Variants in USP20 observed in about 807,000 individuals in gnomAD.
USP20 encodes ubiquitin carboxyl-terminal hydrolase 20.
USP20 carries 80 observed loss-of-function variants against 124.2 expected under a neutral mutation model. That is an observed-to-expected ratio of 0.64 (90% CI 0.54 to 0.78). The LOEUF is 0.78. Among genes scored for constraint, USP20 ranks in the 30% least tolerant of loss-of-function variants. The pLI, the probability that USP20 is intolerant of heterozygous loss-of-function variation, is 0.00. For synonymous variants in USP20, 481 were observed against 512.3 expected (o/e 0.94, Z 0.83); for missense variants, 1,043 against 1,244.4 (o/e 0.84, Z 2.44).
At chr9:129,857,768 C>G (rs1405912787) in intron 4 of USP20, among the ~76,000 whole-genome samples, 3 of 152,208 alleles carry the variant, frequency 2.0e-5, no homozygotes, top group African/African-American at 7.2e-5. Context: ...CAGGCCCCAG[C>G]TGGGACCCCG....
rs78381628 is a variant in USP20, at chr9:129,839,079, C to T, written c.-129+3580C>T. Among the ~76,000 whole-genome samples the T allele has an allele frequency of 5.2e-3, 788 of 152,216 alleles. 6 individuals are homozygous for T. Among genetic ancestry groups the T allele is most frequent in the East Asian group, 0.02 (104 of 5,178 alleles). ...AAGGTCGTCCCCATGCCAGGCTGGC[C>T]GGGGCTGTTTGTGACATCGTGGAGC... On this transcript the variant is annotated intron_variant, in intron 1 of 25. Coordinates refer to ENST00000372429, the MANE Select transcript of USP20 (RefSeq NM_001110303.4). This position sits in a 1 kb window ranked among gnomAD's most constrained non-coding sequence, Gnocchi z 4.5.
At chr9:129,845,682 G>A (rs966570672) in intron 1 of USP20, among the ~76,000 whole-genome samples, 1 of 151,992 alleles carries the variant, frequency 6.6e-6, no homozygotes, top group African/African-American at 2.4e-5. Flanking sequence ...GTGAGCCACT[G>A]TGACTGACCT....
At chr9:129,873,830 C>T (rs2034255306) in intron 17 of USP20, 86 bp downstream of exon 17, 1 of 1,503,670 alleles carries the variant, frequency 6.7e-7, no homozygotes, top group Non-Finnish European at 9.1e-7. Flanking sequence ...GCCTGCTCCA[C>T]TGCTCGGGCA....
intron 2 of USP20, among the ~76,000 whole-genome samples, chr9:129,852,318 C>T (rs772839531): frequency 3.3e-5 from 5 of 152,332 alleles, no homozygotes; most frequent in Non-Finnish European, 4.4e-5. Context: ...AGGCATTTGA[C>T]AGACATTGTC....
intron 10 of USP20, 39 bp downstream of exon 10, chr9:129,865,420 T>C (rs1050783066): frequency 6.2e-7 from 1 of 1,607,348 alleles, no homozygotes; most frequent in African/African-American, 1.3e-5. Context: ...CCCAAGGCCA[T>C]GACCCACCAG....
At chr9:129,846,064 A>G (rs1463482978) in intron 1 of USP20, among the ~76,000 whole-genome samples, 2 of 151,618 alleles carry the variant, frequency 1.3e-5, no homozygotes, top group Non-Finnish European at 2.9e-5. Flanking sequence ...AGCTGGGACT[A>G]CAGGCGTCCG....
chr9:129,846,363 C>T (rs2032568842), intron 1 of USP20, among the ~76,000 whole-genome samples: 1 of 146,692 alleles, frequency 6.8e-6, no homozygotes, highest in African/African-American at 2.5e-5. Context: ...TCCAGCCATC[C>T]TCCCATCACA....
rs1439269714 is a variant in USP20 at position 129,879,086 on chromosome 9, G to T, written c.2513-487G>T. On this transcript the variant is annotated intron_variant, in intron 23 of 25. Coordinates refer to ENST00000372429, the MANE Select transcript of USP20 (RefSeq NM_001110303.4). The surrounding 1 kb of genome is among the most constrained non-coding windows in gnomAD (Gnocchi z 4.2). ...GCCAGGGCCACCGTGAGGCCTCTCT[G>T]GTGGTGGCTGAGGCCTTCAGCATGG... Among the ~76,000 whole-genome samples the T allele has an allele frequency of 2.6e-5, 4 of 151,366 alleles. No individual in the cohort carries two copies. Among genetic ancestry groups the T allele is most frequent in the Non-Finnish European group, 5.9e-5 (4 of 67,454 alleles).
At chr9:129,880,333 T>C (rs2034590411) in intron 25 of USP20, 44 bp downstream of exon 25, 1 of 1,516,514 alleles carries the variant, frequency 6.6e-7, no homozygotes, top group Admixed American at 2.0e-5. Context: ...CTGGGTCCTC[T>C]CCTCACTCTC....
At position 129,880,322 on chromosome 9, in the gene USP20, T is replaced by C. The variant is rs1319289951; in HGVS notation, c.*16+33T>C. 4.6e-6 allele frequency: 7 copies of C among 1,529,614 alleles called. No individual in the cohort carries two copies. In the African/African-American group the frequency reaches 9.6e-5, roughly 21 times the overall value. The allele number at this position is 1,529,614 out of a possible 1,614,324, so 94.8% of individuals were successfully genotyped here. On this transcript the variant is annotated intron_variant, in intron 25 of 25. Transcript: ENST00000372429. ...GCCCCGGCTGGTCCCTCCATGGCAC[T>C]CTGGGTCCTCTCCTCACTCTCCAGA...
intron 1 of USP20, among the ~76,000 whole-genome samples, chr9:129,849,194 C>T (rs958132381): frequency 5.9e-5 from 9 of 152,224 alleles, no homozygotes; most frequent in African/African-American, 2.2e-4. Context: ...ACCCCTCCAG[C>T]AGACCTGTGC....
Position 129,839,140 on chromosome 9 carries a change from C to A in USP20, c.-129+3641C>A, listed in dbSNP as rs142181666. 8.5e-5 allele frequency among the ~76,000 whole-genome samples: 13 copies of A among 152,188 alleles called. No homozygotes were observed. Among genetic ancestry groups the A allele is most frequent in the Non-Finnish European group, 1.3e-4 (9 of 68,006 alleles). On this transcript the variant is annotated intron_variant, in intron 1 of 25. Coordinates refer to ENST00000372429, the MANE Select transcript of USP20 (RefSeq NM_001110303.4). The surrounding 1 kb of genome is among the most constrained non-coding windows in gnomAD (Gnocchi z 4.5). ...GAGCATGGGCTTCAGGGCAGGTAGT[C>A]GTGGGTTCGAATTTTGGTTCTGCAG...
intron 11 of USP20, 142 bp from the exon 12 acceptor site, chr9:129,868,720 G>A: frequency 1.4e-6 from 2 of 1,404,028 alleles, no homozygotes; most frequent in South Asian, 1.5e-5. Flanking sequence ...GTGTGCTGGG[G>A]CCAGGAGTGG....
chr9:129,874,504 G>A lies in USP20; in HGVS notation c.1741-72G>A, dbSNP rs376601132. 5.4e-5 allele frequency: 85 copies of A among 1,579,262 alleles called. No individual in the cohort carries two copies. In the South Asian group the frequency reaches 9.6e-4, roughly 18 times the overall value. On this transcript the variant is annotated intron_variant, in intron 17 of 25. Transcript: ENST00000372429. ...TTGCATGATCCCATCAGCTGTCCTG[G>A]GCCCGTGGGCAAGGCTGCGAGGGCC...
chr9:129,868,562 G>C lies in USP20; in HGVS notation c.1135+113G>C, dbSNP rs546040430. 3.0e-3 allele frequency: 4,308 copies of C among 1,448,000 alleles called. 8 individuals carry two copies. Among genetic ancestry groups the C allele is most frequent in the Non-Finnish European group, 3.5e-3 (3,908 of 1,103,714 alleles). The allele number at this position is 1,448,000 out of a possible 1,614,324, so 89.7% of individuals were successfully genotyped here. The stretch of plus-strand genomic sequence containing the variant: ...GGGGGACGGGTTCTTCACTAGACCC[G>C]AATGACAGTGGGGAAGTCAGCCTCC... On this transcript the variant is annotated intron_variant, in intron 11 of 25. Transcript: ENST00000372429.
At chr9:129,843,579 C>T (rs1413974650) in intron 1 of USP20, among the ~76,000 whole-genome samples, 2 of 151,392 alleles carry the variant, frequency 1.3e-5, no homozygotes, top group East Asian at 2.0e-4. Flanking sequence ...TACTAAAAAT[C>T]CAAAAAGATT....
chr9:129,860,851 TG>T, intron 6 of USP20, 85 bp from the exon 7 acceptor site: 1 of 1,396,484 alleles, frequency 7.2e-7, no homozygotes, highest in Non-Finnish European at 1.0e-6. Flanking sequence ...GCAGTAGGGC[TG>T]GACTTCCAGC....
At chr9:129,873,664 C>T (rs200177030) in intron 16 of USP20, 35 bp from the exon 17 acceptor site, 13 of 1,613,106 alleles carry the variant, frequency 8.1e-6, no homozygotes, top group South Asian at 1.1e-5. Flanking sequence ...GGCCCTGATG[C>T]CGGACACTGA....
chr9:129,858,393 G>C lies in USP20; in HGVS notation c.199-74G>C, dbSNP rs544534698. 2.1e-5 allele frequency: 33 copies of C among 1,596,458 alleles called. No homozygotes were observed. The African/African-American group carries it at 3.9e-4, about 19-fold the overall frequency. On this transcript the variant is annotated intron_variant, in intron 5 of 25. Transcript: ENST00000372429. ...GCCTCTTACTGAGAGGCTGGGGAGC[G>C]GAGCAGCCATTACAGGTTGGGGCAC...
Sources: allele counts gnomAD v4.1 joint callset (sites outside exome capture counted in the v4.1 genomes callset), GRCh38; gene constraint gnomAD v4.1.1; non-coding constraint Gnocchi (gnomAD v3.1); transcripts MANE v1.5; gene names NCBI Gene and HGNC (gene_info 2026-07-23, HGNC 2026-07-21).